KPNA6: variants seen among roughly 807,000 people sequenced by gnomAD.
The protein encoded by KPNA6 is karyopherin subunit alpha 6, also known as importin subunit alpha-7.
Under a neutral mutation model 72.0 loss-of-function variants are expected in KPNA6, and 9 were observed. The ratio of observed to expected loss-of-function variants is 0.13; its 90% CI spans 0.08 to 0.22. KPNA6 has a LOEUF of 0.22. Ranked by LOEUF, KPNA6 falls within the 10% of genes least tolerant of loss-of-function variation. The probability of loss-of-function intolerance (pLI) is 1.00; values close to 1 mark genes in which losing one functional copy is unlikely to be tolerated. For missense variants in KPNA6, 374 were observed against 655.7 expected (o/e 0.57, Z 4.69); for synonymous variants, 219 against 242.1 (o/e 0.90, Z 0.89).
At chr1:32,153,910 G>T (rs1642085721) in intron 1 of KPNA6, among the ~76,000 whole-genome samples, 2 of 152,072 alleles carry the variant, frequency 1.3e-5, no homozygotes, top group African/African-American at 4.8e-5. Context: ...ACTTTGGGAG[G>T]CCAAGGCAGG....
At position 32,158,367 on chromosome 1, in the gene KPNA6, G is replaced by A. The variant is rs1194269511; in HGVS notation, c.426+6G>A. 2 of 1,582,230 alleles carry A rather than the reference G, an allele frequency of 1.3e-6. No homozygotes were observed. The highest frequency in any genetic ancestry group is 1.7e-5 in the Admixed American group (1 of 59,394). On this transcript the variant is annotated splice_donor_region_variant and intron_variant, in intron 5 of 13. Coordinates refer to ENST00000373625, the MANE Select transcript of KPNA6 (RefSeq NM_012316.5). Reference sequence around the variant, plus strand: ...ATGAGAATTGTACATTACAGGTGAGGCCTGAAGGGAAGGGGTTTGTTTTGT... The same window carrying A: ...ATGAGAATTGTACATTACAGGTGAGACCTGAAGGGAAGGGGTTTGTTTTGT...
At chr1:32,153,172 T>C (rs1642067702) in intron 1 of KPNA6, among the ~76,000 whole-genome samples, 1 of 151,682 alleles carries the variant, frequency 6.6e-6, no homozygotes, top group African/African-American at 2.4e-5. Context: ...AAAATAAAAA[T>C]AGTCAAGTCT....
chr1:32,159,726 G>A (rs573697891), intron 6 of KPNA6, among the ~76,000 whole-genome samples, 195 bp downstream of exon 6: 15 of 152,244 alleles, frequency 9.9e-5, no homozygotes, highest in Middle Eastern at 3.4e-3. Context: ...ACTAACCTGC[G>A]GACTCTGCAT....
chr1:32,174,481 A>G lies in KPNA6; in HGVS notation c.*3587A>G, dbSNP rs1335499121. ...ACACCCTAAAGTTGTACTTGTTTCT[A>G]GCAAACTAGAAGGAAAAGATAGGAA... On this transcript the variant is annotated 3_prime_UTR_variant, in exon 14 of 14. Transcript: ENST00000373625. The G allele has an allele frequency of 2.0e-5, 3 of 152,146 alleles. No individual in the cohort carries two copies. The highest frequency in any genetic ancestry group is 7.2e-5 in the African/African-American group (3 of 41,408). 9.4% of individuals were successfully genotyped at this position (152,146 alleles called of 1,614,324 possible). A position where few individuals can be genotyped will look rare whatever the true frequency, so the allele number is the denominator to read the frequency against.
chr1:32,119,808 G>A (rs1009079757), intron 1 of KPNA6, among the ~76,000 whole-genome samples: 7 of 148,312 alleles, frequency 4.7e-5, no homozygotes, highest in African/African-American at 1.3e-4. Flanking sequence ...GCAGTGGCAC[G>A]ATCTCAGCTC....
rs188660673 is a variant in KPNA6, at chr1:32,150,395, C to T, written c.5-4193C>T. Reference sequence around the variant, plus strand: ...TGATCCATCTGCCTCGGCCTCCCAACGTGTTGGGATTACAGGCTTGAGCCA... The same window carrying T: ...TGATCCATCTGCCTCGGCCTCCCAATGTGTTGGGATTACAGGCTTGAGCCA... On this transcript the variant is annotated intron_variant, in intron 1 of 13. Coordinates refer to ENST00000373625, the MANE Select transcript of KPNA6 (RefSeq NM_012316.5). Among the ~76,000 whole-genome samples, 253 of 151,780 alleles carry T rather than the reference C, an allele frequency of 1.7e-3. 1 individual carries two copies. The highest frequency in any genetic ancestry group is 5.7e-3 in the African/African-American group (234 of 41,382).
At chr1:32,118,984 G>GT (rs1453814757) in intron 1 of KPNA6, among the ~76,000 whole-genome samples, 1 of 128,290 alleles carries the variant, frequency 7.8e-6, no homozygotes, top group Non-Finnish European at 1.6e-5. Context: ...GTGTGTGTGT[G>GT]TGTGTGTGTA....
At chr1:32,167,793 G>T (rs1004225698) in intron 12 of KPNA6, among the ~76,000 whole-genome samples, 1 of 151,160 alleles carries the variant, frequency 6.6e-6, no homozygotes, top group Admixed American at 6.6e-5. Context: ...GGTCAAGGCT[G>T]CAGTGAGCTG....
intron 1 of KPNA6, among the ~76,000 whole-genome samples, chr1:32,138,821 A>T (rs1557468912): frequency 6.6e-6 from 1 of 152,112 alleles, no homozygotes; most frequent in African/African-American, 2.4e-5. Context: ...GAATGCAATG[A>T]CTACTGAGTG....
chr1:32,119,674 G>A (rs1641396247), intron 1 of KPNA6, among the ~76,000 whole-genome samples: 1 of 151,956 alleles, frequency 6.6e-6, no homozygotes, highest in Non-Finnish European at 1.5e-5. Flanking sequence ...ATGGGGAAAT[G>A]TGGTTCTAGT....
chr1:32,135,052 C>T (rs953710768), intron 1 of KPNA6, among the ~76,000 whole-genome samples: 4 of 151,262 alleles, frequency 2.6e-5, no homozygotes, highest in Non-Finnish European at 4.4e-5. Flanking sequence ...ACTACAGGCA[C>T]GTGCTACCAC....
At chr1:32,152,497 A>G (rs897209026) in intron 1 of KPNA6, among the ~76,000 whole-genome samples, 1 of 152,222 alleles carries the variant, frequency 6.6e-6, no homozygotes, top group Non-Finnish European at 1.5e-5. Flanking sequence ...GGACTGAATT[A>G]CAATACAAAT....
intron 1 of KPNA6, among the ~76,000 whole-genome samples, chr1:32,117,916 G>GT (rs374293330): frequency 1.4e-4 from 22 of 152,044 alleles, no homozygotes; most frequent in African/African-American, 5.1e-4. Flanking sequence ...AATCTCACCT[G>GT]TTTTTCTTTT....
At chr1:32,131,811 G>T (rs1641643233) in intron 1 of KPNA6, among the ~76,000 whole-genome samples, 1 of 151,544 alleles carries the variant, frequency 6.6e-6, no homozygotes, top group South Asian at 2.1e-4. Context: ...CTTGACCACT[G>T]CACCCCACCT....
At chr1:32,128,121 TC>T (rs1641566059) in intron 1 of KPNA6, among the ~76,000 whole-genome samples, 1 of 151,954 alleles carries the variant, frequency 6.6e-6, no homozygotes. Context: ...AGTGAAGTGT[TC>T]CTAGAAAGGT....
chr1:32,111,821 G>C (rs1641247815), intron 1 of KPNA6, among the ~76,000 whole-genome samples: 1 of 152,158 alleles, frequency 6.6e-6, no homozygotes, highest in Admixed American at 6.6e-5. Context: ...GACCTTTGCA[G>C]TGATTTCCCT....
In KPNA6 at chr1:32,167,026, G is replaced by A. The variant is rs905602306; in HGVS notation, c.1117-143G>A. Reference sequence around the variant, plus strand: ...ACCAAAACTGGGTTCTTCTGTAGTAGCCTGTCACCTATATAGGAAGAACAA... The same window carrying A: ...ACCAAAACTGGGTTCTTCTGTAGTAACCTGTCACCTATATAGGAAGAACAA... On this transcript the variant is annotated intron_variant, in intron 11 of 13. Coordinates refer to ENST00000373625, the MANE Select transcript of KPNA6 (RefSeq NM_012316.5). 6.2e-6 allele frequency: 6 copies of A among 974,366 alleles called. No homozygotes were observed. In the African/African-American group the frequency reaches 9.8e-5, roughly 16 times the overall value. The allele number at this position is 974,366 out of a possible 1,614,324, so 60.4% of individuals were successfully genotyped here.
At chr1:32,157,246 G>A (rs552208196) in intron 3 of KPNA6, 100 bp from the exon 4 acceptor site, 1 of 839,724 alleles carries the variant, frequency 1.2e-6, no homozygotes, top group East Asian at 2.6e-5. Flanking sequence ...CCATCCTCTT[G>A]CCCTCAGTTT....
At chr1:32,121,426 T>C (rs1641431311) in intron 1 of KPNA6, among the ~76,000 whole-genome samples, 2 of 152,240 alleles carry the variant, frequency 1.3e-5, no homozygotes, top group South Asian at 2.1e-4. Context: ...TCCAGGGAAG[T>C]TGTTCAAAAA....
Sources: allele counts gnomAD v4.1 joint callset (sites outside exome capture counted in the v4.1 genomes callset), GRCh38; gene constraint gnomAD v4.1.1; transcripts MANE v1.5; gene names NCBI Gene and HGNC (gene_info 2026-07-23, HGNC 2026-07-21).